The following EPHA6 variants were observed in gnomAD, a reference collection of about 807,000 sequenced individuals.
EPHA6 encodes ephrin type-A receptor 6.
Under a neutral mutation model 112.0 loss-of-function variants are expected in EPHA6, and 50 were observed. The observed-to-expected ratio is 0.45, with a 90% CI of 0.36 to 0.56. The LOEUF is 0.56. Among genes scored for constraint, EPHA6 ranks in the 20% least tolerant of loss-of-function variants. EPHA6 has a pLI of 0.00. For missense variants in EPHA6, 1,280 were observed against 1,417.4 expected (o/e 0.90, Z 1.56); for synonymous variants, 529 against 490.7 (o/e 1.08, Z -1.03).
At chr3:97,264,653 G>A (rs951809430) in intron 5 of EPHA6, among the ~76,000 whole-genome samples, 5 of 152,204 alleles carry the variant, frequency 3.3e-5, no homozygotes, top group African/African-American at 7.2e-5. Context: ...TTTTAGCCTC[G>A]CCATTTGGTG....
chr3:97,557,022 C>T (rs894799395), intron 11 of EPHA6, among the ~76,000 whole-genome samples: 1 of 151,880 alleles, frequency 6.6e-6, no homozygotes. Context: ...TTCTCTTTTA[C>T]TTAACCTTTC....
intron 3 of EPHA6, among the ~76,000 whole-genome samples, chr3:97,147,409 T>A (rs2076068763): frequency 1.3e-5 from 2 of 151,988 alleles, no homozygotes; most frequent in South Asian, 4.1e-4. Context: ...AACTATGTCC[T>A]CCTGAGAGGA....
intron 5 of EPHA6, among the ~76,000 whole-genome samples, chr3:97,370,123 A>G (rs2084964074): frequency 6.6e-6 from 1 of 152,154 alleles, no homozygotes. Context: ...AATCAACTCA[A>G]ATTGAGGTTT....
At chr3:97,619,434 G>GC (rs35054536) in intron 13 of EPHA6, among the ~76,000 whole-genome samples, 1 of 11,676 alleles carries the variant, frequency 8.6e-5, no homozygotes, top group Non-Finnish European at 1.4e-4. Flanking sequence ...AATAGAAAAA[G>GC]GGGGGGGGGG....
intron 5 of EPHA6, among the ~76,000 whole-genome samples, chr3:97,294,468 C>A (rs1211155931): frequency 6.6e-6 from 1 of 151,196 alleles, no homozygotes; most frequent in African/African-American, 2.4e-5. Flanking sequence ...TTTTAAAATT[C>A]ATTCAACCAG....
At chr3:97,383,380 A>G (rs962385064) in intron 5 of EPHA6, among the ~76,000 whole-genome samples, 10 of 152,098 alleles carry the variant, frequency 6.6e-5, no homozygotes, top group African/African-American at 2.4e-4. Flanking sequence ...ACAAGTATTT[A>G]TAGAATTAAA....
intron 3 of EPHA6, among the ~76,000 whole-genome samples, chr3:97,011,984 A>C (rs2044101477): frequency 6.6e-6 from 1 of 152,028 alleles, no homozygotes; most frequent in African/African-American, 2.4e-5. Flanking sequence ...GAAGAACATT[A>C]TTTCTTTCTC....
At position 97,092,892 on chromosome 3, in the gene EPHA6, A is replaced by T. The variant is rs1477616339; in HGVS notation, c.1114+104899A>T. Among the ~76,000 whole-genome samples the T allele has an allele frequency of 2.6e-5, 4 of 152,228 alleles. No individual in the cohort carries two copies. The South Asian group carries it at 6.2e-4, about 24-fold the overall frequency. ...TCCCAAATATATCTATGGCTTAACC[A>T]ATAAAAATGCAAAGCAGCTCTCCAA... On this transcript the variant is annotated intron_variant, in intron 3 of 17. Transcript: ENST00000389672.
rs1491420279 is a variant in EPHA6, at chr3:97,214,038, T to TGTGTGTGTGAGA, written c.1115-12225_1115-12224insTGTGTGTGAGAG. Among the ~76,000 whole-genome samples the TGTGTGTGTGAGA allele has an allele frequency of 1.9e-3, 145 of 77,828 alleles. 1 individual carries two copies. The highest frequency in any genetic ancestry group is 4.4e-3 in the African/African-American group (126 of 28,646). The allele number at this position is 77,828 out of a possible 152,430, so 51.1% of individuals were successfully genotyped here. The stretch of plus-strand genomic sequence containing the variant: ...GTGTGTGTGTGTGTGTGTGTGTGTG[T>TGTGTGTGTGAGA]GAGAGAGAGAGAGAGAGGGAGAGGG... On this transcript the variant is annotated intron_variant, in intron 3 of 17. Transcript: ENST00000389672.
intron 1 of EPHA6, among the ~76,000 whole-genome samples, chr3:96,822,315 G>A (rs1017646946): frequency 4.6e-5 from 7 of 151,864 alleles, no homozygotes; most frequent in African/African-American, 1.7e-4. Context: ...AAGATGCTAA[G>A]TTTCCAATTT....
chr3:96,826,234 T>A (rs1213920529), intron 1 of EPHA6, among the ~76,000 whole-genome samples: 2 of 152,064 alleles, frequency 1.3e-5, no homozygotes, highest in African/African-American at 2.4e-5. Flanking sequence ...GCTGTCAGAA[T>A]CTGACTTATA....
At chr3:96,995,945 A>G (rs78873916) in intron 3 of EPHA6, among the ~76,000 whole-genome samples, 11,596 of 152,142 alleles carry the variant, frequency 0.076, 759 homozygotes, top group Admixed American at 0.22. Context: ...TGACTCTTTC[A>G]TGAAAGATGT....
intron 14 of EPHA6, among the ~76,000 whole-genome samples, chr3:97,682,448 T>C (rs2031930223): frequency 6.6e-6 from 1 of 152,126 alleles, no homozygotes; most frequent in Admixed American, 6.5e-5. Context: ...AACATTCCTT[T>C]TTTTCTATAT....
At chr3:97,319,063 T>C (rs1369904190) in intron 5 of EPHA6, among the ~76,000 whole-genome samples, 1 of 151,796 alleles carries the variant, frequency 6.6e-6, no homozygotes, top group African/African-American at 2.4e-5. Context: ...TTCCTTTATA[T>C]TGAGAGTTCT....
intron 13 of EPHA6, among the ~76,000 whole-genome samples, chr3:97,615,592 G>A (rs899456080): frequency 2.0e-5 from 3 of 152,122 alleles, no homozygotes; most frequent in Non-Finnish European, 4.4e-5. Context: ...CTGGGGGGAG[G>A]GGCAGGCCTC....
intron 4 of EPHA6, among the ~76,000 whole-genome samples, chr3:97,237,162 G>GT (rs1406872258): frequency 7.4e-5 from 11 of 149,282 alleles, no homozygotes; most frequent in African/African-American, 2.8e-4. Flanking sequence ...TGCAACGACA[G>GT]TTTGTTTTTT....
intron 3 of EPHA6, among the ~76,000 whole-genome samples, chr3:97,088,173 C>T (rs559548993): frequency 2.0e-5 from 3 of 151,988 alleles, no homozygotes; most frequent in South Asian, 4.1e-4. Context: ...GAGCAAGACT[C>T]CATCTAAAAA....
At chr3:97,670,075 AT>A (rs1324780033) in intron 14 of EPHA6, among the ~76,000 whole-genome samples, 3 of 152,184 alleles carry the variant, frequency 2.0e-5, no homozygotes, top group African/African-American at 7.2e-5. Context: ...TAAAAAAATT[AT>A]TTCTTCTATA....
At chr3:97,194,777 T>C (rs1314672617) in intron 3 of EPHA6, among the ~76,000 whole-genome samples, 2 of 151,200 alleles carry the variant, frequency 1.3e-5, no homozygotes, top group African/African-American at 4.9e-5. Context: ...TTACAACTGT[T>C]ATATCCTCTT....
Sources: allele counts gnomAD v4.1 joint callset (sites outside exome capture counted in the v4.1 genomes callset), GRCh38; gene constraint gnomAD v4.1.1; transcripts MANE v1.5; gene names NCBI Gene and HGNC (gene_info 2026-07-23, HGNC 2026-07-21).